The following ATP8A1 variants were observed in gnomAD, a reference collection of about 807,000 sequenced individuals.
ATP8A1 encodes ATPase phospholipid transporting 8A1, also known as phospholipid-transporting ATPase IA.
Under a neutral mutation model 177.7 loss-of-function variants are expected in ATP8A1, and 90 were observed. The ratio of observed to expected loss-of-function variants is 0.51; its 90% confidence interval spans 0.43 to 0.60. The LOEUF is 0.60. Among genes scored for constraint, ATP8A1 ranks in the 20% least tolerant of loss-of-function variants. The pLI is 0.00. For missense variants in ATP8A1, 1,072 were observed against 1,392.8 expected, an observed-to-expected ratio of 0.77 and a Z score of 3.67; for synonymous variants, 493 against 485.9, an observed-to-expected ratio of 1.01 and a Z score of -0.19.
intron 22 of ATP8A1, among the ~76,000 whole-genome samples, chr4:42,519,848 AAC>A (rs1346019464): frequency 6.6e-6 from 1 of 152,236 alleles, no homozygotes; most frequent in African/African-American, 2.4e-5. Context: ...TTAGGTAAAA[AAC>A]AGTCATAAGG....
At chr4:42,554,646 G>A (rs1305862263) in intron 16 of ATP8A1, among the ~76,000 whole-genome samples, 2 of 152,186 alleles carry the variant, frequency 1.3e-5, no homozygotes, top group African/African-American at 4.8e-5. Flanking sequence ...TGGGTTTGAA[G>A]TGGTTATGAG....
chr4:42,513,911 G>A (rs1048916959), intron 22 of ATP8A1, among the ~76,000 whole-genome samples: 1 of 152,170 alleles, frequency 6.6e-6, no homozygotes, highest in Non-Finnish European at 1.5e-5. Flanking sequence ...CTCTGGAATT[G>A]GGATGTGCTG....
At chr4:42,442,926 A>T in intron 33 of ATP8A1, among the ~76,000 whole-genome samples, 1 of 152,074 alleles carries the variant, frequency 6.6e-6, no homozygotes, top group East Asian at 1.9e-4. Context: ...GAAATCATAA[A>T]CCCTCCTACT....
chr4:42,456,361 T>G (rs971950610), intron 27 of ATP8A1, among the ~76,000 whole-genome samples: 1 of 152,150 alleles, frequency 6.6e-6, no homozygotes. Flanking sequence ...GTCTTCTTAA[T>G]AGTTCTTGAT....
chr4:42,456,608 T>C (rs1718511384), intron 27 of ATP8A1, among the ~76,000 whole-genome samples: 2 of 152,196 alleles, frequency 1.3e-5, no homozygotes, highest in Admixed American at 6.5e-5. Context: ...TAAACAATAG[T>C]ACCTACGTTA....
rs1720486975 is a variant in ATP8A1 at position 42,472,097 on chromosome 4, T to C, written c.2325-7021A>G. 4.2e-6 allele frequency: 3 copies of C among 706,012 alleles called. No homozygotes were observed. In the Admixed American group the frequency reaches 5.3e-5, roughly 13 times the overall value. The allele number at this position is 706,012 out of a possible 1,614,324, so 43.7% of individuals were successfully genotyped here. The stretch of plus-strand genomic sequence containing the variant: ...GTGGGAAGCATGCTGTCTTTATTGC[T>C]CAGAGGAGAATTCTGCCTAAGCCAG... On this transcript the variant is annotated intron_variant, in intron 25 of 36. Transcript: ENST00000381668.
intron 5 of ATP8A1, among the ~76,000 whole-genome samples, chr4:42,602,816 G>A (rs556777064): frequency 6.8e-6 from 1 of 146,054 alleles, no homozygotes; most frequent in African/African-American, 2.6e-5. Flanking sequence ...ATAAATAAAT[G>A]AGAGCTCCCC....
intron 4 of ATP8A1, among the ~76,000 whole-genome samples, chr4:42,620,666 G>A (rs1435387257): frequency 3.3e-5 from 5 of 152,242 alleles, no homozygotes; most frequent in African/African-American, 1.2e-4. Context: ...ACAAGTTACC[G>A]TACCCCTCCT....
At chr4:42,580,234 T>G (rs1732893358) in intron 10 of ATP8A1, among the ~76,000 whole-genome samples, 1 of 152,202 alleles carries the variant, frequency 6.6e-6, no homozygotes, top group Non-Finnish European at 1.5e-5. Context: ...TTACATTCCC[T>G]TTGCAAAAAT....
chr4:42,572,317 C>T (rs978771059), intron 14 of ATP8A1, among the ~76,000 whole-genome samples: 8 of 149,774 alleles, frequency 5.3e-5, no homozygotes, highest in Non-Finnish European at 8.9e-5. Flanking sequence ...TTCCCATAAT[C>T]CAAGAGTGCC....
intron 22 of ATP8A1, among the ~76,000 whole-genome samples, chr4:42,511,759 T>C (rs1005865110): frequency 3.9e-5 from 6 of 152,204 alleles, no homozygotes; most frequent in African/African-American, 1.4e-4. Context: ...TGCTAAATAA[T>C]GGAACCTCAA....
intron 25 of ATP8A1, among the ~76,000 whole-genome samples, chr4:42,477,806 T>TAAA (rs752928528): frequency 2.6e-4 from 27 of 103,058 alleles, no homozygotes; most frequent in African/African-American, 9.1e-4. Flanking sequence ...ACCCTGTCTC[T>TAAA]AAAAAAAAAA....
chr4:42,533,897 G>T (rs1174354924), intron 20 of ATP8A1, among the ~76,000 whole-genome samples: 1 of 152,132 alleles, frequency 6.6e-6, no homozygotes, highest in South Asian at 2.1e-4. Context: ...TATCTCTGTG[G>T]GGTGGCTAGA....
intron 18 of ATP8A1, among the ~76,000 whole-genome samples, chr4:42,549,923 AAATAATAAT>A (rs1729325287): frequency 6.6e-6 from 1 of 152,202 alleles, no homozygotes; most frequent in African/African-American, 2.4e-5. Flanking sequence ...CACAGAAACT[AAATAATAAT>A]TTTTAAATGA....
At chr4:42,576,773 G>C (rs968189530) in intron 12 of ATP8A1, among the ~76,000 whole-genome samples, 1 of 152,052 alleles carries the variant, frequency 6.6e-6, no homozygotes, top group Non-Finnish European at 1.5e-5. Flanking sequence ...TAACCAACTG[G>C]GCCTTTGTTC....
intron 1 of ATP8A1, among the ~76,000 whole-genome samples, chr4:42,651,738 C>T (rs982197454): frequency 6.6e-6 from 1 of 152,220 alleles, no homozygotes; most frequent in Non-Finnish European, 1.5e-5. Flanking sequence ...CCCCAGCAAC[C>T]ATGCTGTGAC....
At chr4:42,531,401 C>T (rs977288906) in intron 20 of ATP8A1, among the ~76,000 whole-genome samples, 21 of 152,234 alleles carry the variant, frequency 1.4e-4, no homozygotes, top group African/African-American at 5.1e-4. Context: ...ACATGACCAG[C>T]TGCAGAAACA....
At chr4:42,443,341 T>C (rs1716839623) in intron 33 of ATP8A1, among the ~76,000 whole-genome samples, 1 of 152,228 alleles carries the variant, frequency 6.6e-6, no homozygotes, top group South Asian at 2.1e-4. Flanking sequence ...GTCTTGGTTA[T>C]GTTTATGAAA....
intron 22 of ATP8A1, among the ~76,000 whole-genome samples, chr4:42,510,216 A>G (rs971968817): frequency 1.3e-5 from 2 of 152,214 alleles, no homozygotes; most frequent in African/African-American, 4.8e-5. Flanking sequence ...TGTATAATAT[A>G]TAATACAGGA....
Sources: allele counts gnomAD v4.1 joint callset (sites outside exome capture counted in the v4.1 genomes callset), GRCh38; gene constraint gnomAD v4.1.1; transcripts MANE v1.5; gene names NCBI Gene and HGNC (gene_info 2026-07-23, HGNC 2026-07-21).